CEP128: variants seen among roughly 807,000 people sequenced by gnomAD.
The protein encoded by CEP128 is centrosomal protein 128, also known as centrosomal protein 128kDa.
A neutral mutation model predicts 156.7 loss-of-function variants in CEP128; 132 were observed. The observed-to-expected ratio is 0.84, with a 90% CI of 0.73 to 0.97. The LOEUF is 0.97. Among genes scored for constraint, CEP128 ranks in the 50% least tolerant of loss-of-function variants. CEP128 has a pLI of 0.00. For synonymous variants in CEP128, 469 were observed against 448.9 expected (o/e 1.04, Z -0.57); for missense variants, 1,252 against 1,281.9 (o/e 0.98, Z 0.36).
chr14:80,743,030 C>T, intron 19 of CEP128, 45 bp downstream of exon 19: 2 of 1,565,976 alleles, frequency 1.3e-6, no homozygotes, highest in South Asian at 2.2e-5. Flanking sequence ...GATTAGGATT[C>T]CATAAATATA....
intron 8 of CEP128, among the ~76,000 whole-genome samples, chr14:80,888,724 C>A (rs1040673216): frequency 6.6e-6 from 1 of 152,140 alleles, no homozygotes; most frequent in African/African-American, 2.4e-5. Flanking sequence ...CAGCACAAGA[C>A]AAGGATGCCC....
At chr14:80,477,302 G>T (rs1217924221) in exon 15 of CEP128, 1 of 152,082 alleles carries the variant, frequency 6.6e-6, no homozygotes, top group Non-Finnish European at 1.5e-5. Flanking sequence ...CCCATATTAA[G>T]GTTTCTTTGG....
chr14:80,740,393 C>A (rs1898752363), intron 19 of CEP128, among the ~76,000 whole-genome samples: 1 of 151,766 alleles, frequency 6.6e-6, no homozygotes, highest in African/African-American at 2.4e-5. Flanking sequence ...CAGGACAGGC[C>A]ACACCCACAG....
chr14:80,514,896 G>A (rs1712228612), intron 23 of CEP128, among the ~76,000 whole-genome samples: 1 of 152,188 alleles, frequency 6.6e-6, no homozygotes, highest in South Asian at 2.1e-4. Context: ...AGGGAATTGA[G>A]TGTTGTGATC....
At chr14:80,570,432 TA>T (rs1287317364) in intron 20 of CEP128, among the ~76,000 whole-genome samples, 1 of 152,084 alleles carries the variant, frequency 6.6e-6, no homozygotes, top group African/African-American at 2.4e-5. Flanking sequence ...TTCTTATTTT[TA>T]ATGTTCATGA....
At chr14:80,772,329 T>C (rs1393054073) in intron 16 of CEP128, among the ~76,000 whole-genome samples, 1 of 152,096 alleles carries the variant, frequency 6.6e-6, no homozygotes, top group Non-Finnish European at 1.5e-5. Flanking sequence ...GAGGAGCATC[T>C]GAACATCGAG....
At position 80,829,127 on chromosome 14, in the gene CEP128, G is replaced by C. The variant is rs544739556; in HGVS notation, c.1209+2016C>G. On this transcript the variant is annotated intron_variant, in intron 13 of 24. Transcript: ENST00000555265. ...GTGCCATAAGAACATTAGTGATACA[G>C]ACAATAAACTTGTTCTAACTTAATA... is the stretch of plus-strand genomic sequence containing the variant. 4.6e-5 allele frequency among the ~76,000 whole-genome samples: 7 copies of C among 152,206 alleles called. No homozygotes were observed. The East Asian group carries it at 1.4e-3, about 29-fold the overall frequency.
chr14:80,537,126 T>C (rs1189996418), intron 21 of CEP128, among the ~76,000 whole-genome samples: 1 of 152,154 alleles, frequency 6.6e-6, no homozygotes, highest in Non-Finnish European at 1.5e-5. Context: ...CACTGAAAAC[T>C]GAGATACAGA....
At chr14:80,896,509 G>T (rs1422812927) in intron 7 of CEP128, among the ~76,000 whole-genome samples, 2 of 152,108 alleles carry the variant, frequency 1.3e-5, no homozygotes, top group Non-Finnish European at 2.9e-5. Flanking sequence ...TCTAATTTCA[G>T]ATTATGTTAT....
At chr14:80,545,586 T>C (rs1889947194) in intron 21 of CEP128, among the ~76,000 whole-genome samples, 1 of 152,152 alleles carries the variant, frequency 6.6e-6, no homozygotes, top group Non-Finnish European at 1.5e-5. Context: ...ATTTTAATGT[T>C]AACAAAAGGC....
At chr14:80,489,140 A>T (rs1887240905), downstream of CEP128, among the ~76,000 whole-genome samples, 1 of 151,884 alleles carries the variant, frequency 6.6e-6, no homozygotes, top group Non-Finnish European at 1.5e-5. Flanking sequence ...ATAATAATAA[A>T]AAAAAAGAGA....
intron 19 of CEP128, among the ~76,000 whole-genome samples, chr14:80,589,067 C>A (rs1891938673): frequency 6.6e-6 from 1 of 152,000 alleles, no homozygotes; most frequent in Non-Finnish European, 1.5e-5. Flanking sequence ...AATCAGAAGA[C>A]ACTGTGAAAA....
At chr14:80,811,668 T>C (rs1345900891) in intron 13 of CEP128, among the ~76,000 whole-genome samples, 2 of 136,966 alleles carry the variant, frequency 1.5e-5, no homozygotes, top group Non-Finnish European at 3.1e-5. Flanking sequence ...TGTGTGTGTG[T>C]ACAGACATAT....
At chr14:80,562,398 T>C (rs1037812781) in intron 20 of CEP128, among the ~76,000 whole-genome samples, 1 of 152,176 alleles carries the variant, frequency 6.6e-6, no homozygotes, top group African/African-American at 2.4e-5. Flanking sequence ...CCAGCCATTG[T>C]AGTCAATTAC....
intron 18 of CEP128, among the ~76,000 whole-genome samples, chr14:80,755,842 C>A (rs1899630665): frequency 6.6e-6 from 1 of 152,128 alleles, no homozygotes; most frequent in Admixed American, 6.5e-5. Context: ...TTCATCACAA[C>A]CCGTTTACAC....
At chr14:80,778,749 A>C (rs1440462829) in intron 15 of CEP128, among the ~76,000 whole-genome samples, 1 of 152,216 alleles carries the variant, frequency 6.6e-6, no homozygotes, top group Non-Finnish European at 1.5e-5. Flanking sequence ...GAAATAATCT[A>C]TTCTATATAG....
chr14:80,732,339 T>C (rs1898312371), intron 19 of CEP128, among the ~76,000 whole-genome samples: 2 of 151,772 alleles, frequency 1.3e-5, no homozygotes, highest in African/African-American at 4.8e-5. Flanking sequence ...AGGAAAAAAA[T>C]GGTAGGACTT....
At chr14:80,530,737 T>G in intron 22 of CEP128, 72 bp downstream of exon 22, 1 of 1,078,620 alleles carries the variant, frequency 9.3e-7, no homozygotes, top group Admixed American at 2.4e-5. Flanking sequence ...TACTTTTCTT[T>G]GCACATCAGG....
At chr14:80,673,496 A>T (rs1595190377) in intron 19 of CEP128, among the ~76,000 whole-genome samples, 1 of 107,442 alleles carries the variant, frequency 9.3e-6, no homozygotes, top group African/African-American at 3.4e-5. Flanking sequence ...ACAAAAAAAA[A>T]TTAGCCGGGC....
Sources: gnomAD v4.1 joint callset for allele counts (sites outside exome capture counted in the v4.1 genomes callset) on GRCh38, gnomAD v4.1.1 for gene constraint, MANE v1.5 for transcripts, NCBI Gene and HGNC (gene_info 2026-07-23, HGNC 2026-07-21) for gene names.